PRICKLE2: variants seen among roughly 807,000 people sequenced by gnomAD.
PRICKLE2 encodes the protein prickle-like protein 2.
A neutral mutation model predicts 81.4 loss-of-function variants in PRICKLE2; 21 were observed. That is an observed-to-expected ratio of 0.26 (90% CI 0.18 to 0.37). The LOEUF (loss-of-function observed/expected upper bound fraction) is 0.37. Among genes scored for constraint, PRICKLE2 ranks in the 10% least tolerant of loss-of-function variants. The probability of loss-of-function intolerance (pLI) is 1.00; values close to 1 mark genes in which losing one functional copy is unlikely to be tolerated. For missense variants in PRICKLE2, 940 were observed against 1,109.0 expected, an observed-to-expected ratio of 0.85 and a Z score of 2.16; for synonymous variants, 456 against 421.5, an observed-to-expected ratio of 1.08 and a Z score of -1.00.
Position 64,198,765 on chromosome 3 carries a change from C to T in PRICKLE2, c.144+19G>A, listed in dbSNP as rs778658655. 3.7e-6 allele frequency: 6 copies of T among 1,613,406 alleles called. No individual in the cohort carries two copies. The highest frequency in any genetic ancestry group is 5.1e-6 in the Non-Finnish European group (6 of 1,179,612). ...GTGAAACACCCAAACCACCAGCATG[C>T]TCCCATCCAGAATGGTACCTGTTCA... On this transcript the variant is annotated intron_variant, in intron 2 of 7. Coordinates refer to ENST00000638394, the MANE Select transcript of PRICKLE2 (RefSeq NM_198859.4).
At chr3:64,136,638 A>T (rs2077284395) in intron 7 of PRICKLE2, among the ~76,000 whole-genome samples, 1 of 151,928 alleles carries the variant, frequency 6.6e-6, no homozygotes, top group South Asian at 2.1e-4. Flanking sequence ...GTATAGGCAG[A>T]GGAGGGGAGG....
intron 7 of PRICKLE2, among the ~76,000 whole-genome samples, chr3:64,107,566 G>A (rs1188739822): frequency 6.6e-6 from 1 of 152,134 alleles, no homozygotes; most frequent in South Asian, 2.1e-4. Flanking sequence ...ACATTACCAG[G>A]CACGGTGGCT....
At chr3:64,165,263 C>A (rs113668867) in intron 2 of PRICKLE2, among the ~76,000 whole-genome samples, 2 of 152,108 alleles carry the variant, frequency 1.3e-5, no homozygotes, top group African/African-American at 4.8e-5. Flanking sequence ...CTGATACTGT[C>A]TAAGGCTGGC....
At chr3:64,119,343 T>C (rs2076990609) in intron 7 of PRICKLE2, among the ~76,000 whole-genome samples, 1 of 152,102 alleles carries the variant, frequency 6.6e-6, no homozygotes, top group African/African-American at 2.4e-5. Context: ...ACATAACAAA[T>C]GTTTGCATGT....
upstream of PRICKLE2, among the ~76,000 whole-genome samples, chr3:64,228,057 G>A (rs944228245): frequency 1.3e-5 from 2 of 152,026 alleles, no homozygotes; most frequent in African/African-American, 4.8e-5. Context: ...ACCAAGAGGC[G>A]GGCTCCCTCT....
At chr3:64,130,012 G>A in intron 7 of PRICKLE2, among the ~76,000 whole-genome samples, 1 of 152,192 alleles carries the variant, frequency 6.6e-6, no homozygotes, top group East Asian at 1.9e-4. Context: ...TTTATGGACA[G>A]AAATGTGGAG....
chr3:64,158,729 C>A (rs1660434723), intron 4 of PRICKLE2, among the ~76,000 whole-genome samples: 2 of 152,174 alleles, frequency 1.3e-5, no homozygotes, highest in South Asian at 2.1e-4. Context: ...CACTGACCAC[C>A]TGTACCTTAA....
At chr3:64,102,789 G>T (rs1164882749) in intron 7 of PRICKLE2, 2 of 152,094 alleles carry the variant, frequency 1.3e-5, no homozygotes, top group Admixed American at 6.5e-5. Context: ...AAAAAAAAAT[G>T]GAACATGGGC....
intron 2 of PRICKLE2, among the ~76,000 whole-genome samples, chr3:64,176,626 G>A (rs1469580713): frequency 1.3e-5 from 2 of 152,158 alleles, no homozygotes; most frequent in African/African-American, 4.8e-5. Context: ...GGACATTGTT[G>A]GAAACACATT....
intron 7 of PRICKLE2, among the ~76,000 whole-genome samples, chr3:64,129,420 T>A (rs551099168): frequency 6.6e-6 from 1 of 152,296 alleles, no homozygotes; most frequent in Non-Finnish European, 1.5e-5. Context: ...TAGCTCTATG[T>A]ATGACAGCAG....
intron 1 of PRICKLE2, 160 bp from the exon 2 acceptor site, chr3:64,199,127 T>C (rs1360652299): frequency 4.3e-6 from 3 of 694,618 alleles, no homozygotes; most frequent in Non-Finnish European, 7.4e-6. Context: ...AACATGACTG[T>C]CTTTGCAGAG....
intron 7 of PRICKLE2, among the ~76,000 whole-genome samples, chr3:64,119,249 T>C (rs1385451802): frequency 6.6e-6 from 1 of 152,060 alleles, no homozygotes; most frequent in Non-Finnish European, 1.5e-5. Context: ...AGGAAGATCA[T>C]GAAAAATAAC....
intron 1 of PRICKLE2, 146 bp downstream of exon 1, chr3:64,224,764 G>A (rs552931895): frequency 3.1e-4 from 78 of 252,934 alleles, no homozygotes; most frequent in Non-Finnish European, 4.6e-4. Context: ...AAAAGGGGTC[G>A]CAGGGCCACC....
At chr3:64,252,457 G>T (rs998534006) in intron 2 of PRICKLE2, among the ~76,000 whole-genome samples, 2 of 152,154 alleles carry the variant, frequency 1.3e-5, no homozygotes, top group African/African-American at 4.8e-5. Flanking sequence ...GCTCTCAGCC[G>T]ATGCAGTAAC....
rs186203256 is a variant in PRICKLE2 at position 64,135,738 on chromosome 3, G to A, written c.1660+11092C>T. Among the ~76,000 whole-genome samples the A allele has an allele frequency of 5.2e-4, 79 of 151,512 alleles. 1 individual carries two copies. The highest frequency in any genetic ancestry group is 1.7e-3 in the African/African-American group (72 of 41,278). On this transcript the variant is annotated intron_variant, in intron 7 of 7. Transcript: ENST00000638394. ...CACACACACACGCACACACACCTGC[G>A]TGCACACACACAGAGCTATCTGGGT...
At chr3:64,106,849 GCA>G (rs1335400687) in intron 7 of PRICKLE2, among the ~76,000 whole-genome samples, 1 of 152,210 alleles carries the variant, frequency 6.6e-6, no homozygotes, top group Non-Finnish European at 1.5e-5. Context: ...TCTGGCTGCA[GCA>G]CATAGTCCAG....
intron 2 of PRICKLE2, among the ~76,000 whole-genome samples, chr3:64,240,930 C>G (rs977261995): frequency 6.6e-6 from 1 of 152,088 alleles, no homozygotes; most frequent in South Asian, 2.1e-4. Context: ...GCTAGAGGAG[C>G]CTCTGAGGGT....
chr3:64,263,241 G>C (rs1413818904), intron 2 of PRICKLE2, among the ~76,000 whole-genome samples: 1 of 152,146 alleles, frequency 6.6e-6, no homozygotes, highest in African/African-American at 2.4e-5. Context: ...TTTAAACAAA[G>C]TCCAAAGTGC....
intron 2 of PRICKLE2, among the ~76,000 whole-genome samples, chr3:64,178,156 G>A (rs570807797): frequency 3.2e-4 from 49 of 152,316 alleles, no homozygotes; most frequent in Non-Finnish European, 5.7e-4. Flanking sequence ...GACTAATGAT[G>A]TTGGACATCT....
Sources: gnomAD v4.1 joint callset for allele counts (sites outside exome capture counted in the v4.1 genomes callset) on GRCh38, gnomAD v4.1.1 for gene constraint, MANE v1.5 for transcripts, NCBI Gene and HGNC (gene_info 2026-07-23, HGNC 2026-07-21) for gene names.